ELAVL4: variants seen among roughly 807,000 people sequenced by gnomAD.
ELAVL4 encodes the protein ELAV like RNA binding protein 4, also known as ELAV-like protein 4.
ELAVL4 carries 1 observed loss-of-function variant against 35.6 expected under a neutral mutation model. The observed-to-expected ratio is 0.03, with a 90% CI of 0.01 to 0.13. The LOEUF is 0.13. Among genes scored for constraint, ELAVL4 ranks in the 10% least tolerant of loss-of-function variants. The pLI is 1.00. For synonymous variants in ELAVL4, 156 were observed against 171.0 expected (o/e 0.91, Z 0.69); for missense variants, 267 against 464.9 (o/e 0.57, Z 3.91).
upstream of ELAVL4, chr1:50,106,335 T>A: frequency 6.2e-7 from 1 of 1,613,648 alleles, no homozygotes; most frequent in Non-Finnish European, 8.5e-7. Context: ...CTGACTGATA[T>A]GAGATTACTT....
At chr1:50,179,188 A>G (rs1417785448) in intron 3 of ELAVL4, among the ~76,000 whole-genome samples, 1 of 151,448 alleles carries the variant, frequency 6.6e-6, no homozygotes, top group Non-Finnish European at 1.5e-5. Flanking sequence ...CCCACCCTGT[A>G]TCAAAACGCT....
At chr1:50,124,899 G>A (rs1264212571) in intron 1 of ELAVL4, among the ~76,000 whole-genome samples, 2 of 152,104 alleles carry the variant, frequency 1.3e-5, no homozygotes, top group South Asian at 2.1e-4. Flanking sequence ...GGCATATAAA[G>A]TGATAATGAT....
At chr1:50,164,703 T>C (rs1677426056) in intron 2 of ELAVL4, among the ~76,000 whole-genome samples, 1 of 152,186 alleles carries the variant, frequency 6.6e-6, no homozygotes, top group Non-Finnish European at 1.5e-5. Context: ...GTCTTTCACA[T>C]GTGTCTTATG....
upstream of ELAVL4, chr1:50,103,816 A>G (rs757799152): frequency 3.8e-6 from 5 of 1,298,732 alleles, no homozygotes; most frequent in South Asian, 4.3e-5. Context: ...TGCTAATTCA[A>G]TTGAGGGGCA....
intron 1 of ELAVL4, among the ~76,000 whole-genome samples, chr1:50,126,784 A>C (rs889164993): frequency 1.3e-5 from 2 of 152,110 alleles, no homozygotes; most frequent in Non-Finnish European, 2.9e-5. Context: ...ACCTGAAATT[A>C]CCTTAAAAAC....
At chr1:50,068,632 C>T (rs911471097) in intron 1 of ELAVL4, among the ~76,000 whole-genome samples, 1 of 152,076 alleles carries the variant, frequency 6.6e-6, no homozygotes, top group Non-Finnish European at 1.5e-5. Flanking sequence ...CATTTCTGAC[C>T]GTCACATGTC....
chr1:50,168,466 A>C (rs1452663769), intron 2 of ELAVL4, among the ~76,000 whole-genome samples: 2 of 152,160 alleles, frequency 1.3e-5, no homozygotes, highest in South Asian at 4.1e-4. Context: ...CTCTTTCTCT[A>C]CAAGAGATAA....
chr1:50,152,429 C>G (rs189467470), intron 2 of ELAVL4, among the ~76,000 whole-genome samples: 2 of 152,148 alleles, frequency 1.3e-5, no homozygotes, highest in African/African-American at 4.8e-5. Flanking sequence ...CACACACACA[C>G]ACCCACACAT....
upstream of ELAVL4, among the ~76,000 whole-genome samples, chr1:50,098,960 A>C (rs1665834168): frequency 6.6e-6 from 1 of 152,214 alleles, no homozygotes; most frequent in African/African-American, 2.4e-5. Context: ...CTGAAAGAAA[A>C]GCAGCCGTGG....
intron 1 of ELAVL4, among the ~76,000 whole-genome samples, chr1:50,133,111 G>A (rs1028982946): frequency 6.6e-6 from 1 of 152,062 alleles, no homozygotes; most frequent in Admixed American, 6.6e-5. Flanking sequence ...TTAGACTCCT[G>A]GGCTGTTTCC....
intron 1 of ELAVL4, chr1:50,110,072 A>C: frequency 1.4e-6 from 2 of 1,388,694 alleles, no homozygotes; most frequent in Non-Finnish European, 2.0e-6. Flanking sequence ...TGCATCGTAA[A>C]TCACTGTGCT....
chr1:50,064,504 T>C (rs908104948), intron 1 of ELAVL4, among the ~76,000 whole-genome samples: 1 of 152,192 alleles, frequency 6.6e-6, no homozygotes, highest in African/African-American at 2.4e-5. Flanking sequence ...CAGCTATCAG[T>C]CCTGCCAACT....
At position 50,076,847 on chromosome 1, in the gene ELAVL4, T is replaced by C. The variant is rs565633241; in HGVS notation, c.18+28665T>C. On this transcript the variant is annotated intron_variant, in intron 1 of 6. Transcript: ENST00000448907. Reference sequence around the variant, plus strand: ...TAAGCATTTATTGAGTGAATTAAAGTACAATCAGCAGGACTTAGAAAGTCC... The same window carrying C: ...TAAGCATTTATTGAGTGAATTAAAGCACAATCAGCAGGACTTAGAAAGTCC... Among the ~76,000 whole-genome samples the C allele has an allele frequency of 2.0e-5, 3 of 152,232 alleles. No homozygotes were observed. In the South Asian group the frequency reaches 6.2e-4, roughly 32 times the overall value.
In ELAVL4 at chr1:50,108,941, T is replaced by G. The variant is rs1312442096; in HGVS notation, c.-249T>G. 4.3e-6 allele frequency: 5 copies of G among 1,166,848 alleles called. No homozygotes were observed. The highest frequency in any genetic ancestry group is 1.6e-5 in the African/African-American group (1 of 62,430). The allele number at this position is 1,166,848 out of a possible 1,614,324, so 72.3% of individuals were successfully genotyped here. On this transcript the variant is annotated 5_prime_UTR_variant, in exon 1 of 7. Transcript: ENST00000371824. ...CTTCGAGCCAATTTCAGCAAGGCTC[T>G]GTTCAGTTGTTCTTATCTACATCCT...
At chr1:50,174,021 G>C (rs1256217488) in intron 2 of ELAVL4, among the ~76,000 whole-genome samples, 1 of 152,094 alleles carries the variant, frequency 6.6e-6, no homozygotes, top group Non-Finnish European at 1.5e-5. Flanking sequence ...GGTACACTTA[G>C]CATACAGAAC....
At chr1:50,158,483 CCA>C (rs1676150114) in intron 2 of ELAVL4, among the ~76,000 whole-genome samples, 1 of 152,094 alleles carries the variant, frequency 6.6e-6, no homozygotes, top group Non-Finnish European at 1.5e-5. Context: ...ATCCATACAG[CCA>C]CACACAATTG....
intron 3 of ELAVL4, among the ~76,000 whole-genome samples, chr1:50,190,218 G>A (rs981943739): frequency 6.6e-6 from 1 of 152,294 alleles, no homozygotes; most frequent in African/African-American, 2.4e-5. Context: ...TCTCCAGGGC[G>A]CTGGCTCCAG....
chr1:50,092,195 A>G (rs4298778), intron 1 of ELAVL4, among the ~76,000 whole-genome samples: 5,160 of 152,336 alleles, frequency 0.034, 123 homozygotes, highest in Non-Finnish European at 0.051. Flanking sequence ...TGATGGGTAT[A>G]TGTGTGGGGA....
chr1:50,078,106 TTGTG>T (rs56818675), intron 1 of ELAVL4, among the ~76,000 whole-genome samples: 2,216 of 145,054 alleles, frequency 0.015, 18 homozygotes, highest in South Asian at 0.045. Flanking sequence ...AATATATACC[TTGTG>T]TGTGTGTGTG....
Sources: gnomAD v4.1 joint callset for allele counts (sites outside exome capture counted in the v4.1 genomes callset) on GRCh38, gnomAD v4.1.1 for gene constraint, MANE v1.5 for transcripts, NCBI Gene and HGNC (gene_info 2026-07-23, HGNC 2026-07-21) for gene names.